NEK10: variants seen among roughly 807,000 people sequenced by gnomAD.
NEK10 encodes NIMA related kinase 10, also known as serine/threonine-protein kinase Nek10.
Under a neutral mutation model 159.8 loss-of-function variants are expected in NEK10, and 122 were observed. The observed-to-expected ratio is 0.76, with a 90% CI of 0.66 to 0.89. The LOEUF is 0.89. Among genes scored for constraint, NEK10 ranks in the 40% least tolerant of loss-of-function variants. NEK10 has a pLI of 0.00. For synonymous variants in NEK10, 466 were observed against 457.1 expected (o/e 1.02, Z -0.25); for missense variants, 1,342 against 1,323.1 (o/e 1.01, Z -0.22).
chr3:27,238,164 C>A (rs13075897), intron 23 of NEK10, among the ~76,000 whole-genome samples: 3,253 of 152,172 alleles, frequency 0.021, 62 homozygotes, highest in Non-Finnish European at 0.03. Flanking sequence ...TAGGGAAAAG[C>A]TGGAAATAAT....
At chr3:27,124,153 G>A (rs996895244) in intron 32 of NEK10, among the ~76,000 whole-genome samples, 1 of 152,072 alleles carries the variant, frequency 6.6e-6, no homozygotes, top group Non-Finnish European at 1.5e-5. Flanking sequence ...ACAAGTAAGG[G>A]GGGCCTGGAA....
At chr3:27,225,104 A>G (rs1339276959) in intron 23 of NEK10, among the ~76,000 whole-genome samples, 1 of 152,204 alleles carries the variant, frequency 6.6e-6, no homozygotes, top group Non-Finnish European at 1.5e-5. Flanking sequence ...AAGGAGAGTC[A>G]GTCGGAGTTC....
At chr3:27,187,423 T>G (rs548679783) in intron 26 of NEK10, among the ~76,000 whole-genome samples, 1 of 152,072 alleles carries the variant, frequency 6.6e-6, no homozygotes, top group Non-Finnish European at 1.5e-5. Flanking sequence ...GATATATAAT[T>G]ATAGAAAATA....
At chr3:27,224,551 G>T (rs988658924) in intron 23 of NEK10, among the ~76,000 whole-genome samples, 2 of 152,208 alleles carry the variant, frequency 1.3e-5, no homozygotes, top group African/African-American at 4.8e-5. Context: ...AGTCCCATAA[G>T]ATCTGTCCAG....
intron 23 of NEK10, among the ~76,000 whole-genome samples, chr3:27,208,404 T>C (rs145791061): frequency 1.6e-4 from 24 of 152,212 alleles, no homozygotes; most frequent in Non-Finnish European, 2.1e-4. Flanking sequence ...TGATAAAATA[T>C]AACCTCGTCC....
At chr3:27,272,140 A>C (rs1575541738) in intron 22 of NEK10, among the ~76,000 whole-genome samples, 1 of 152,300 alleles carries the variant, frequency 6.6e-6, no homozygotes, top group Non-Finnish European at 1.5e-5. Flanking sequence ...AACCCTATCC[A>C]CAGGGAACCC....
chr3:27,171,765 T>C, intron 29 of NEK10, 54 bp downstream of exon 29: 1 of 1,589,290 alleles, frequency 6.3e-7, no homozygotes, highest in African/African-American at 1.4e-5. Context: ...AGCTGAGTTA[T>C]TACTCAGCTC....
rs182961737 is a variant in NEK10, at chr3:27,260,359, T to A, written c.2015-3988A>T. ...CAGTATGATATTGCCTGTGGGTTTG[T>A]CATAGATAGCTCTTATTATTTTGAG... On this transcript the variant is annotated intron_variant, in intron 22 of 35. Transcript: ENST00000691995. Among the ~76,000 whole-genome samples the A allele has an allele frequency of 1.2e-3, 182 of 152,318 alleles. 6 individuals are homozygous for A. The East Asian group carries it at 0.03, about 25-fold the overall frequency.
chr3:27,111,142 G>T lies in NEK10; in HGVS notation c.*130C>A. 1 of 748,714 alleles carries T rather than the reference G, an allele frequency of 1.3e-6. No individual in the cohort carries two copies. Among genetic ancestry groups the T allele is most frequent in the Non-Finnish European group, 2.2e-6 (1 of 456,950 alleles). The allele number at this position is 748,714 out of a possible 1,614,324, so 46.4% of individuals were successfully genotyped here. A position where few individuals can be genotyped will look rare whatever the true frequency, so the allele number is the denominator to read the frequency against. On this transcript the variant is annotated 3_prime_UTR_variant, in exon 36 of 36. Transcript: ENST00000691995. ...AGGACCCCCAGAAAGAAGTCCTGCA[G>T]GCCCCATGGCATCTTGGTCTTTTCC...
intron 26 of NEK10, 112 bp downstream of exon 26, chr3:27,191,917 T>A (rs559672411): frequency 2.5e-6 from 2 of 796,586 alleles, no homozygotes; most frequent in East Asian, 5.1e-5. Flanking sequence ...TACTGCAATA[T>A]TGCATGTAAC....
intron 5 of NEK10, among the ~76,000 whole-genome samples, chr3:27,329,329 G>A (rs1341175590): frequency 1.3e-5 from 2 of 152,172 alleles, no homozygotes; most frequent in Non-Finnish European, 2.9e-5. Flanking sequence ...CGTGAAAACA[G>A]ACTAATACAG....
intron 23 of NEK10, among the ~76,000 whole-genome samples, chr3:27,236,435 C>T (rs924073757): frequency 6.6e-6 from 1 of 152,080 alleles, no homozygotes; most frequent in Non-Finnish European, 1.5e-5. Flanking sequence ...ATTATTCTAA[C>T]TGAAGTAACT....
At chr3:27,323,724 C>T (rs1451901235) in intron 5 of NEK10, among the ~76,000 whole-genome samples, 11 of 152,316 alleles carry the variant, frequency 7.2e-5, no homozygotes, top group Non-Finnish European at 1.6e-4. Flanking sequence ...TCAAATGCTA[C>T]AAGTATTCAC....
In NEK10 at chr3:27,266,593, C is replaced by T. The variant is rs1029285922; in HGVS notation, c.2015-10222G>A. 2.0e-5 allele frequency among the ~76,000 whole-genome samples: 3 copies of T among 152,212 alleles called. No homozygotes were observed. The East Asian group carries it at 5.8e-4, about 29-fold the overall frequency. ...CTTGGTTTCCCATCTCAGTAAGTGG[C>T]ACCATCATTGACCTAGGTACTTTCC... On this transcript the variant is annotated intron_variant, in intron 22 of 35. Transcript: ENST00000691995.
Position 27,172,002 on chromosome 3 carries a change from G to C in NEK10, c.2777-129C>G, listed in dbSNP as rs138955513. 244 of 995,438 alleles carry C rather than the reference G, an allele frequency of 2.5e-4. 1 individual carries two copies. In the African/African-American group the frequency reaches 3.5e-3, roughly 14 times the overall value. 61.7% of individuals were successfully genotyped at this position (995,438 alleles called of 1,614,324 possible). On this transcript the variant is annotated intron_variant, in intron 28 of 35. Transcript: ENST00000691995. ...GCAGAGAAAAGGGAACTCATACACTGTTGGTGGGACTGTAAATTAGTGTAG... is the reference window on the plus strand; with the variant it reads ...GCAGAGAAAAGGGAACTCATACACTCTTGGTGGGACTGTAAATTAGTGTAG...
At chr3:27,343,759 T>C (rs2047363483) in intron 5 of NEK10, among the ~76,000 whole-genome samples, 1 of 152,130 alleles carries the variant, frequency 6.6e-6, no homozygotes. Context: ...AACTAATCCT[T>C]CCTCTACAGT....
chr3:27,202,547 G>A lies in NEK10; in HGVS notation c.2101C>T (p.Leu701=). ...TTCTCCCCATACGGCTCACTCTTCAGTACCTCGGGGCTGAAGTAAAATAAG... is the reference window on the plus strand; with the variant it reads ...TTCTCCCCATACGGCTCACTCTTCAATACCTCGGGGCTGAAGTAAAATAAG... The part of the protein sequence containing the change: ...GTILYSCPEV[L]KSEPYGEKAD... The change falls in exon 24 of 36, where the codon CTG becomes TTG. Residue 701 remains leucine, a synonymous_variant. Transcript: ENST00000691995. 2 of 1,607,038 alleles carry A rather than the reference G, an allele frequency of 1.2e-6. No homozygotes were observed. Among genetic ancestry groups the A allele is most frequent in the Non-Finnish European group, 1.7e-6 (2 of 1,176,016 alleles).
At chr3:27,354,671 G>C (rs2048206341) in intron 1 of NEK10, among the ~76,000 whole-genome samples, 1 of 152,166 alleles carries the variant, frequency 6.6e-6, no homozygotes, top group Non-Finnish European at 1.5e-5. Context: ...GGGGAAGGAA[G>C]GGCAGTTCAT....
intron 29 of NEK10, among the ~76,000 whole-genome samples, chr3:27,168,027 C>T (rs144455101): frequency 6.6e-6 from 1 of 152,300 alleles, no homozygotes; most frequent in African/African-American, 2.4e-5. Context: ...TATCTGATAT[C>T]TGACCAAAGT....
Sources: gnomAD v4.1 joint callset for allele counts (sites outside exome capture counted in the v4.1 genomes callset) on GRCh38, gnomAD v4.1.1 for gene constraint, MANE v1.5 for transcripts, NCBI Gene and HGNC (gene_info 2026-07-23, HGNC 2026-07-21) for gene names.